RBPJ: variants seen among roughly 807,000 people sequenced by gnomAD.
RBPJ encodes the protein recombination signal binding protein for immunoglobulin kappa J region.
RBPJ carries 9 observed loss-of-function variants against 67.8 expected under a neutral mutation model. The ratio of observed to expected loss-of-function variants is 0.13; its 90% confidence interval spans 0.08 to 0.23. The LOEUF (loss-of-function observed/expected upper bound fraction) is 0.23. RBPJ is among the 10% of genes least tolerant of loss of function. The probability of loss-of-function intolerance (pLI) is 1.00; values close to 1 mark genes in which losing one functional copy is unlikely to be tolerated. For synonymous variants in RBPJ, 198 were observed against 203.3 expected, an observed-to-expected ratio of 0.97 and a Z score of 0.22; for missense variants, 305 against 595.6, an observed-to-expected ratio of 0.51 and a Z score of 5.08.
At chr4:26,415,672 G>C in intron 4 of RBPJ, 32 bp downstream of exon 4, 1 of 1,558,322 alleles carries the variant, frequency 6.4e-7, no homozygotes, top group South Asian at 1.2e-5. Context: ...ACCAGAAAGG[G>C]GCACCATGGT....
At chr4:26,132,194 A>G in the RBPJ span, among the ~76,000 whole-genome samples, 10 of 141,974 alleles carry the variant, frequency 7.0e-5, no homozygotes, top group Admixed American at 1.4e-4. Flanking sequence ...TAGACTGACT[A>G]ACTATTTTTT....
At chr4:26,340,031 A>G (rs908089218) in intron 1 of RBPJ, among the ~76,000 whole-genome samples, 3 of 152,214 alleles carry the variant, frequency 2.0e-5, no homozygotes, top group Admixed American at 2.0e-4. Flanking sequence ...AAAAAAAAAG[A>G]ACATTTCATT....
the RBPJ span, among the ~76,000 whole-genome samples, chr4:26,109,425 CCTCTCT>C: frequency 3.7e-3 from 85 of 22,890 alleles, 5 homozygotes; most frequent in African/African-American, 0.018. Context: ...TCTCTCTCTC[CCTCTCT>C]CTCTCTCTCT....
rs1719186386 is a variant in RBPJ, at chr4:26,229,096, G to A, written c.-167+65482G>A. Among the ~76,000 whole-genome samples, 3 of 152,296 alleles carry A rather than the reference G, an allele frequency of 2.0e-5. No homozygotes were observed. The South Asian group carries it at 6.2e-4, about 32-fold the overall frequency. On this transcript the variant is annotated intron_variant, in intron 1 of 4. Coordinates refer to the RBPJ transcript ENST00000512351. ...ATTATATACCCATGGCCTCCCTCAG[G>A]AGAAATTAAAACCCCAAGTTAGGCA...
At position 26,214,711 on chromosome 4, in the gene RBPJ, A is replaced by C. The variant is rs1416076562; in HGVS notation, c.-167+51097A>C. The stretch of plus-strand genomic sequence containing the variant: ...GAGGGAGGAAGGATGGAAGGAAGGA[A>C]GGAGAGAGAGAGAAAGAAAGAGGGA... On this transcript the variant is annotated intron_variant, in intron 1 of 4. Transcript: ENST00000512351. Among the ~76,000 whole-genome samples, 134 of 58,496 alleles carry C rather than the reference A, an allele frequency of 2.3e-3. 3 individuals are homozygous for C. The highest frequency in any genetic ancestry group is 0.013 in the African/African-American group (128 of 9,506). The allele number at this position is 58,496 out of a possible 152,430, so 38.4% of individuals were successfully genotyped here.
At chr4:26,388,666 G>T (rs182054617) in intron 2 of RBPJ, among the ~76,000 whole-genome samples, 10 of 152,194 alleles carry the variant, frequency 6.6e-5, no homozygotes, top group Admixed American at 6.5e-4. Flanking sequence ...AATATTTAAG[G>T]TGGAAAAGTA....
intron 1 of RBPJ, among the ~76,000 whole-genome samples, chr4:26,375,278 G>C (rs1456167838): frequency 1.4e-5 from 2 of 140,444 alleles, no homozygotes; most frequent in African/African-American, 5.3e-5. Flanking sequence ...GACAGAGGGA[G>C]ACCCTGTCTC....
At chr4:26,378,111 T>C (rs1008022448) in intron 1 of RBPJ, among the ~76,000 whole-genome samples, 6 of 152,148 alleles carry the variant, frequency 3.9e-5, no homozygotes, top group Admixed American at 6.5e-5. Flanking sequence ...TTCCTCAGTT[T>C]TTTGTTTCAT....
intron 1 of RBPJ, among the ~76,000 whole-genome samples, chr4:26,278,246 G>A (rs544294657): frequency 4.5e-4 from 68 of 152,208 alleles, no homozygotes; most frequent in East Asian, 3.9e-4. Flanking sequence ...GTAAAGTCAC[G>A]TCTGTCATGA....
intron 1 of RBPJ, among the ~76,000 whole-genome samples, chr4:26,385,992 C>T (rs991279520): frequency 3.9e-5 from 6 of 151,972 alleles, no homozygotes; most frequent in South Asian, 4.2e-4. Context: ...ATAATGATTA[C>T]ATAGGGTATA....
intron 1 of RBPJ, among the ~76,000 whole-genome samples, chr4:26,201,434 A>C (rs970629091): frequency 1.3e-5 from 2 of 152,012 alleles, no homozygotes; most frequent in Admixed American, 1.3e-4. Flanking sequence ...CATGTCATGG[A>C]CCTCCCTTTA....
chr4:26,185,140 T>TA (rs60842821), intron 1 of RBPJ, among the ~76,000 whole-genome samples: 29 of 141,276 alleles, frequency 2.1e-4, no homozygotes, highest in East Asian at 4.1e-4. Context: ...AGACTCTGTC[T>TA]AAAAAAAAAA....
At chr4:26,156,543 T>C in the RBPJ span, among the ~76,000 whole-genome samples, 621 of 151,656 alleles carry the variant, frequency 4.1e-3, 3 homozygotes, top group Admixed American at 6.8e-3. Context: ...CTCAGCCTTC[T>C]GAGTAGCTGG....
upstream of RBPJ, chr4:26,319,659 A>G: frequency 1.6e-6 from 1 of 642,246 alleles, no homozygotes; most frequent in South Asian, 1.8e-5. Context: ...GTCTGAGCCG[A>G]GTAGTGGAAG....
chr4:26,243,038 C>A (rs1374146703), intron 1 of RBPJ, among the ~76,000 whole-genome samples: 2 of 152,030 alleles, frequency 1.3e-5, no homozygotes, highest in African/African-American at 4.8e-5. Context: ...ACCAGCCTGA[C>A]CAACATGGAG....
the RBPJ span, among the ~76,000 whole-genome samples, chr4:26,155,650 G>T: frequency 6.6e-6 from 1 of 152,122 alleles, no homozygotes; most frequent in Admixed American, 6.5e-5. Flanking sequence ...GGCCAGGCTG[G>T]TCTCAAGCTC....
At chr4:26,131,819 AC>A in the RBPJ span, among the ~76,000 whole-genome samples, 1 of 151,990 alleles carries the variant, frequency 6.6e-6, no homozygotes, top group Non-Finnish European at 1.5e-5. Flanking sequence ...TTTTGAAACC[AC>A]CCCATTTGTG....
chr4:26,121,445 G>T, the RBPJ span, among the ~76,000 whole-genome samples: 5 of 152,082 alleles, frequency 3.3e-5, no homozygotes, highest in African/African-American at 1.2e-4. Context: ...CCCCATTTTA[G>T]AGAAGAGTAA....
intron 1 of RBPJ, among the ~76,000 whole-genome samples, chr4:26,192,758 C>T (rs1310506472): frequency 2.0e-5 from 3 of 152,154 alleles, no homozygotes; most frequent in Non-Finnish European, 4.4e-5. Flanking sequence ...CATGTAAGCC[C>T]ATTTCTTATT....
Sources: allele counts gnomAD v4.1 joint callset (sites outside exome capture counted in the v4.1 genomes callset), GRCh38; gene constraint gnomAD v4.1.1; transcripts MANE v1.5; gene names NCBI Gene and HGNC (gene_info 2026-07-23, HGNC 2026-07-21).